DIP2C: variants seen among roughly 807,000 people sequenced by gnomAD.
The protein encoded by DIP2C is disco-interacting protein 2 homolog C.
DIP2C carries 33 observed loss-of-function variants against 192.4 expected under a neutral mutation model. That is an observed-to-expected ratio of 0.17 (90% CI 0.13 to 0.23). The LOEUF (loss-of-function observed/expected upper bound fraction) is 0.23. DIP2C is among the 10% of genes least tolerant of loss of function. DIP2C has a pLI of 1.00. For missense variants in DIP2C, 1,537 were observed against 2,110.1 expected, an observed-to-expected ratio of 0.73 and a Z score of 5.32; for synonymous variants, 979 against 864.1, an observed-to-expected ratio of 1.13 and a Z score of -2.33.
chr10:317,750 T>C (rs567905137), intron 31 of DIP2C, among the ~76,000 whole-genome samples: 1 of 152,204 alleles, frequency 6.6e-6, no homozygotes, highest in African/African-American at 2.4e-5. Flanking sequence ...TGGAGACAGA[T>C]GGAAAGACTC....
chr10:557,701 C>A (rs1185044308), intron 1 of DIP2C, among the ~76,000 whole-genome samples: 1,473 of 26,402 alleles, frequency 0.056, 125 homozygotes, highest in African/African-American at 0.17. Flanking sequence ...GGGGTGGGGG[C>A]GGGGGAGGGG....
rs534343911 is a variant in DIP2C at position 527,415 on chromosome 10, A to T, written c.86-40885T>A. Reference sequence around the variant, plus strand: ...AGCCGCTGCTTTTGTAATTTTTAATATTTGTACTTATGGTGTGATTTGGGG... The same window carrying T: ...AGCCGCTGCTTTTGTAATTTTTAATTTTTGTACTTATGGTGTGATTTGGGG... On this transcript the variant is annotated intron_variant, in intron 1 of 36. Coordinates refer to ENST00000280886, the MANE Select transcript of DIP2C (RefSeq NM_014974.3). 5.9e-5 allele frequency among the ~76,000 whole-genome samples: 9 copies of T among 152,344 alleles called. No homozygotes were observed. In the South Asian group the frequency reaches 1.9e-3, roughly 32 times the overall value.
chr10:308,835 G>A (rs908868482), intron 32 of DIP2C, among the ~76,000 whole-genome samples: 1 of 152,204 alleles, frequency 6.6e-6, no homozygotes, highest in Admixed American at 6.5e-5. Flanking sequence ...AGTGTGAACC[G>A]TCAGGGCGGG....
chr10:672,030 C>T (rs1017011784), intron 1 of DIP2C, among the ~76,000 whole-genome samples: 33 of 145,742 alleles, frequency 2.3e-4, no homozygotes, highest in Non-Finnish European at 3.6e-4. Flanking sequence ...CACAGACGCA[C>T]GGAAGGAGGA....
chr10:612,891 C>G (rs1853195002), intron 1 of DIP2C, among the ~76,000 whole-genome samples: 1 of 152,232 alleles, frequency 6.6e-6, no homozygotes. Flanking sequence ...ACGGAAAGCA[C>G]TGGCTGACTT....
At position 304,126 on chromosome 10, in the gene DIP2C, T is replaced by C. The variant is rs1043549882; in HGVS notation, c.3986+5905A>G. Among the ~76,000 whole-genome samples, 5 of 152,356 alleles carry C rather than the reference T, an allele frequency of 3.3e-5. No individual in the cohort carries two copies. In the East Asian group the frequency reaches 9.6e-4, roughly 29 times the overall value. On this transcript the variant is annotated intron_variant, in intron 32 of 36. Transcript: ENST00000280886. ...ATTAAAGGTAAGTACATAAACCGGC[T>C]TCACAGGTGTCTATTATCACAGTCC...
chr10:390,571 C>T (rs1259034080), intron 11 of DIP2C, among the ~76,000 whole-genome samples, 169 bp downstream of exon 11: 1 of 151,776 alleles, frequency 6.6e-6, no homozygotes, highest in Non-Finnish European at 1.5e-5. Flanking sequence ...ACCCCACGGG[C>T]TGGCAACTCG....
chr10:430,535 T>C (rs1009726678), intron 4 of DIP2C: 10 of 152,268 alleles, frequency 6.6e-5, no homozygotes, highest in African/African-American at 1.9e-4. Flanking sequence ...TTGATTGTTT[T>C]GTTATTGTTG....
At chr10:377,717 C>G (rs145200126) in intron 17 of DIP2C, among the ~76,000 whole-genome samples, 417 of 152,308 alleles carry the variant, frequency 2.7e-3, no homozygotes, top group Non-Finnish European at 4.6e-3. Context: ...CAGTGGGCAT[C>G]AGACAGCACC....
intron 3 of DIP2C, among the ~76,000 whole-genome samples, chr10:461,066 C>T (rs183939748): frequency 5.8e-4 from 89 of 152,200 alleles, no homozygotes; most frequent in Non-Finnish European, 8.8e-4. Context: ...AATATGGAGA[C>T]GAAAAACTGG....
intron 1 of DIP2C, chr10:668,157 A>G (rs1366029553): frequency 6.6e-6 from 1 of 151,684 alleles, no homozygotes; most frequent in Non-Finnish European, 1.5e-5. Context: ...CTCATACAAC[A>G]TATATGTGTA....
intron 5 of DIP2C, among the ~76,000 whole-genome samples, 165 bp downstream of exon 5, chr10:422,659 T>C (rs12415961): frequency 0.46 from 70,380 of 151,958 alleles, 17,219 homozygotes; most frequent in African/African-American, 0.61. Flanking sequence ...GCATGAGAAG[T>C]GTAAAGCAGC....
intron 31 of DIP2C, chr10:324,714 A>T (rs1158826315): frequency 3.9e-6 from 1 of 253,544 alleles, no homozygotes; most frequent in Non-Finnish European, 8.2e-6. Context: ...GCCATTTCCT[A>T]TTAAGAATAC....
intron 12 of DIP2C, 23 bp downstream of exon 12, chr10:390,241 G>A (rs764849003): frequency 4.4e-6 from 7 of 1,607,134 alleles, no homozygotes; most frequent in South Asian, 1.1e-5. Flanking sequence ...CAGGGCCAGT[G>A]GAGGAGGCCA....
At chr10:282,248 T>TG (rs1188773730) in intron 35 of DIP2C, 1 of 152,332 alleles carries the variant, frequency 6.6e-6, no homozygotes, top group Non-Finnish European at 1.5e-5. Context: ...AGGGTATCCC[T>TG]GCTTCCAGGA....
Position 378,764 on chromosome 10 carries a change from C to T in DIP2C, c.1991+3883G>A, listed in dbSNP as rs529807401. Among the ~76,000 whole-genome samples the T allele has an allele frequency of 5.9e-5, 9 of 152,136 alleles. No homozygotes were observed. The East Asian group carries it at 1.8e-3, about 30-fold the overall frequency. Reference sequence around the variant, plus strand: ...AGACACATGTGAACACATGCCTAGACACGTGAACACACATGCCTAGACACC... The same window carrying T: ...AGACACATGTGAACACATGCCTAGATACGTGAACACACATGCCTAGACACC... On this transcript the variant is annotated intron_variant, in intron 17 of 36. Coordinates refer to ENST00000280886, the MANE Select transcript of DIP2C (RefSeq NM_014974.3).
chr10:502,173 TACA>T (rs1234998556), intron 1 of DIP2C, among the ~76,000 whole-genome samples: 1 of 152,120 alleles, frequency 6.6e-6, no homozygotes, highest in Non-Finnish European at 1.5e-5. Context: ...TCATAGTTTT[TACA>T]ACACCAATAT....
intron 1 of DIP2C, among the ~76,000 whole-genome samples, chr10:601,613 C>T (rs1454536978): frequency 6.6e-6 from 1 of 152,218 alleles, no homozygotes; most frequent in Non-Finnish European, 1.5e-5. Context: ...CCTGCCCACC[C>T]TAACTGTCCT....
chr10:571,286 G>C (rs980081218), intron 1 of DIP2C, among the ~76,000 whole-genome samples: 1 of 152,198 alleles, frequency 6.6e-6, no homozygotes, highest in East Asian at 1.9e-4. Context: ...TCTCAGGTCA[G>C]CAACAGCCCC....
Sources: gnomAD v4.1 joint callset for allele counts (sites outside exome capture counted in the v4.1 genomes callset) on GRCh38, gnomAD v4.1.1 for gene constraint, MANE v1.5 for transcripts, NCBI Gene and HGNC (gene_info 2026-07-23, HGNC 2026-07-21) for gene names.